Variants in PPP2R2C observed in about 807,000 individuals in gnomAD.
PPP2R2C encodes the protein protein phosphatase 2, regulatory subunit B, gamma.
In PPP2R2C, 10 loss-of-function variants were observed where a neutral mutation model predicts 45.3. The ratio of observed to expected loss-of-function variants is 0.22; its 90% CI spans 0.14 to 0.37. The LOEUF (loss-of-function observed/expected upper bound fraction) is 0.37. Among genes scored for constraint, PPP2R2C ranks in the 10% least tolerant of loss-of-function variants. PPP2R2C has a pLI of 1.00. For missense variants in PPP2R2C, 308 were observed against 619.7 expected (o/e 0.50, Z 5.34); for synonymous variants, 257 against 245.4 (o/e 1.05, Z -0.44).
chr4:6,456,691 C>T (rs571380921), intron 1 of PPP2R2C, among the ~76,000 whole-genome samples: 3 of 152,176 alleles, frequency 2.0e-5, no homozygotes, highest in Non-Finnish European at 4.4e-5. Flanking sequence ...GGGTGCCCCT[C>T]ACGGTGAACC....
chr4:6,554,940 AAAGAAAGAAAG>A (rs1185271671), intron 1 of PPP2R2C, among the ~76,000 whole-genome samples: 1 of 113,930 alleles, frequency 8.8e-6, no homozygotes, highest in African/African-American at 3.7e-5. Flanking sequence ...GGAAAGAAAG[AAAGAAAGAAAG>A]AAAGAAAGAA....
chr4:6,517,624 CAGA>C (rs1560598312), intron 2 of PPP2R2C, among the ~76,000 whole-genome samples: 1 of 151,882 alleles, frequency 6.6e-6, no homozygotes, highest in Non-Finnish European at 1.5e-5. Flanking sequence ...AAAAAAAAGA[CAGA>C]AGAAATTACC....
chr4:6,355,993 G>GAAAAA (rs61011461), intron 5 of PPP2R2C, among the ~76,000 whole-genome samples: 13 of 97,904 alleles, frequency 1.3e-4, no homozygotes, highest in South Asian at 3.8e-4. Context: ...ACTCTGCCTG[G>GAAAAA]AAAAAAAAAA....
chr4:6,413,916 TC>T, intron 1 of PPP2R2C: 1 of 1,536,098 alleles, frequency 6.5e-7, no homozygotes, highest in Non-Finnish European at 8.7e-7. Flanking sequence ...TGTCTCTCTT[TC>T]CCATCAGCGT....
rs182182700 is a variant in PPP2R2C at position 6,514,216 on chromosome 4, T to G, written c.49+21055A>C. Among the ~76,000 whole-genome samples the G allele has an allele frequency of 1.9e-3, 294 of 152,382 alleles. 2 individuals are homozygous for G. The highest frequency in any genetic ancestry group is 4.0e-3 in the Admixed American group (61 of 15,312). On this transcript the variant is annotated intron_variant, in intron 2 of 9. Transcript: ENST00000506140. ...TGTTGTGCAACCAATCTTTTCAATT[T>G]TGTGAACCTATGAGATTAACAGAAA...
chr4:6,539,262 G>A (rs1724730702), intron 1 of PPP2R2C, among the ~76,000 whole-genome samples: 1 of 152,192 alleles, frequency 6.6e-6, no homozygotes. Context: ...GAGTGGCACA[G>A]GTTGTGGGCA....
At chr4:6,473,379 AT>A (rs1463883126), upstream of PPP2R2C, among the ~76,000 whole-genome samples, 1 of 151,970 alleles carries the variant, frequency 6.6e-6, no homozygotes, top group African/African-American at 2.4e-5. Flanking sequence ...CCCTCAAAAA[AT>A]ATTTGCCTCC....
intron 2 of PPP2R2C, among the ~76,000 whole-genome samples, chr4:6,525,609 C>G (rs1269466110): frequency 6.6e-6 from 1 of 152,180 alleles, no homozygotes; most frequent in Non-Finnish European, 1.5e-5. Flanking sequence ...AAGGGTTAAG[C>G]AGAAACCAGC....
Position 6,321,789 on chromosome 4 carries a change from G to C in PPP2R2C, c.*1513C>G, listed in dbSNP as rs1458328018. ...CGACTCAGAGGGGTGGGCAGGTTTG[G>C]TATCACCAGAACAGGAGCATCTACC... is the stretch of plus-strand genomic sequence containing the variant. On this transcript the variant is annotated 3_prime_UTR_variant, in exon 9 of 9. Transcript: ENST00000382599. The C allele has an allele frequency of 1.3e-5, 2 of 152,154 alleles. No individual in the cohort carries two copies. Among genetic ancestry groups the C allele is most frequent in the Non-Finnish European group, 2.9e-5 (2 of 68,046 alleles). The allele number at this position is 152,154 out of a possible 1,614,324, so 9.4% of individuals were successfully genotyped here. A position where few individuals can be genotyped will look rare whatever the true frequency, so the allele number is the denominator to read the frequency against.
intron 1 of PPP2R2C, among the ~76,000 whole-genome samples, chr4:6,460,920 C>A (rs912753779): frequency 7.2e-5 from 11 of 152,138 alleles, no homozygotes; most frequent in Admixed American, 2.0e-4. Context: ...GTCCTGCCTC[C>A]CACTTCCCAT....
At chr4:6,425,509 A>G (rs1719236556) in intron 1 of PPP2R2C, among the ~76,000 whole-genome samples, 1 of 152,216 alleles carries the variant, frequency 6.6e-6, no homozygotes. Context: ...ACGAGCTCAG[A>G]ATCAGCCCGA....
Position 6,378,345 on chromosome 4 carries a change from C to G in PPP2R2C, c.334+62G>C. 4.4e-6 allele frequency: 7 copies of G among 1,607,176 alleles called. No individual in the cohort carries two copies. Among genetic ancestry groups the G allele is most frequent in the Non-Finnish European group, 4.2e-6 (5 of 1,177,692 alleles). On this transcript the variant is annotated intron_variant, in intron 3 of 8. Transcript: ENST00000382599. This position sits in a 1 kb window ranked among gnomAD's most constrained non-coding sequence, Gnocchi z 5.2. ...CTCACAATATAAGTGAAATACAAAC[C>G]AGCATTTGGTAGAAACATCTACGGC...
At chr4:6,373,901 ATGTGTGTGTGTGTG>A (rs60094669) in intron 4 of PPP2R2C, among the ~76,000 whole-genome samples, 2 of 146,448 alleles carry the variant, frequency 1.4e-5, no homozygotes, top group African/African-American at 5.2e-5. Flanking sequence ...ATGTGCATGC[ATGTGTGTGTGTGTG>A]TGTGTGTGTG....
intron 2 of PPP2R2C, among the ~76,000 whole-genome samples, chr4:6,530,699 A>G (rs1050261482): frequency 6.6e-6 from 1 of 152,138 alleles, no homozygotes; most frequent in Non-Finnish European, 1.5e-5. Flanking sequence ...CTTCTGCCAA[A>G]TGGACACTGC....
rs73075141 is a variant in PPP2R2C at position 6,338,217 on chromosome 4, C to T, written c.791-4486G>A. ...ATGGGCCCAGTCCCATCTCCACCCA[C>T]TCCCCCACACCCTAATTATTTAAAA... is the stretch of plus-strand genomic sequence containing the variant. On this transcript the variant is annotated intron_variant, in intron 6 of 8. Transcript: ENST00000382599. Among the ~76,000 whole-genome samples the T allele has an allele frequency of 6.5e-3, 996 of 152,344 alleles. 6 individuals are homozygous for T. The highest frequency in any genetic ancestry group is 0.023 in the African/African-American group (965 of 41,570).
In PPP2R2C at chr4:6,411,942, G is replaced by A. The variant is rs375159321; in HGVS notation, c.71-30848C>T. Among the ~76,000 whole-genome samples the A allele has an allele frequency of 1.8e-4, 27 of 152,310 alleles. No homozygotes were observed. In the South Asian group the frequency reaches 5.6e-3, roughly 32 times the overall value. ...ATCCCTGGTGCATCATCTGGGAAATGGTAGTAATTAACGATTAAATGAGTT... is the reference window on the plus strand; with the variant it reads ...ATCCCTGGTGCATCATCTGGGAAATAGTAGTAATTAACGATTAAATGAGTT... On this transcript the variant is annotated intron_variant, in intron 1 of 8. Coordinates refer to ENST00000382599, the MANE Select transcript of PPP2R2C (RefSeq NM_020416.4).
chr4:6,520,147 T>C (rs1723967789), intron 2 of PPP2R2C, among the ~76,000 whole-genome samples: 1 of 151,824 alleles, frequency 6.6e-6, no homozygotes, highest in East Asian at 2.0e-4. Flanking sequence ...GGTGAGTGGA[T>C]GAAGGGGTAC....
intron 2 of PPP2R2C, among the ~76,000 whole-genome samples, chr4:6,511,496 T>G (rs1723480387): frequency 1.2e-5 from 1 of 86,566 alleles, no homozygotes. Flanking sequence ...TTGGTGGTGA[T>G]GGCGGTGATG....
intron 2 of PPP2R2C, among the ~76,000 whole-genome samples, chr4:6,481,912 G>A (rs1227321970): frequency 7.0e-6 from 1 of 142,972 alleles, no homozygotes; most frequent in East Asian, 2.1e-4. Context: ...CCGGGAGGCA[G>A]AGGCTGCAGT....
Sources: gnomAD v4.1 joint callset for allele counts (sites outside exome capture counted in the v4.1 genomes callset) on GRCh38, gnomAD v4.1.1 for gene constraint, Gnocchi (gnomAD v3.1) non-coding constraint, MANE v1.5 for transcripts, NCBI Gene and HGNC (gene_info 2026-07-23, HGNC 2026-07-21) for gene names.